RELN: variants seen among roughly 807,000 people sequenced by gnomAD.
RELN encodes the protein reelin.
Under a neutral mutation model 427.6 loss-of-function variants are expected in RELN, and 108 were observed. The observed-to-expected ratio is 0.25, with a 90% CI of 0.22 to 0.30. The LOEUF (loss-of-function observed/expected upper bound fraction) is 0.30, where lower values mean the gene tolerates loss of function less well. RELN is among the 10% of genes least tolerant of loss of function. The probability of loss-of-function intolerance (pLI) is 1.00; values close to 1 mark genes in which losing one functional copy is unlikely to be tolerated. For missense variants in RELN, 3,715 were observed against 4,302.8 expected, an observed-to-expected ratio of 0.86 and a Z score of 3.82; for synonymous variants, 1,524 against 1,513.4, an observed-to-expected ratio of 1.01 and a Z score of -0.16.
At position 103,661,475 on chromosome 7, in the gene RELN, C is replaced by T. The variant is rs1833140154; in HGVS notation, c.1342G>A (p.Gly448Ser). The change falls in exon 12 of 65, where the codon GGC becomes AGC. Residue 448 changes from glycine (G) to serine (S), a missense_variant. By Grantham distance (56) the Gly-to-Ser change is moderately conservative. This residue lies in a region of RELN where 2,208 missense variants were observed against 2,361.7 expected (regional missense o/e 0.93). Transcript: ENST00000428762. ...TCTTTGAGGAAGACCATTGATAAGCCTGATTCTATCGTTCCACATTCTGTA... is the reference window on the plus strand; with the variant it reads ...TCTTTGAGGAAGACCATTGATAAGCTTGATTCTATCGTTCCACATTCTGTA... Reference protein sequence around the residue: ...IGTECGTIESGLSMVFLKDGE... With the variant: ...IGTECGTIESSLSMVFLKDGE... 1 of 1,613,656 alleles carries T rather than the reference C, an allele frequency of 6.2e-7. No individual in the cohort carries two copies. Among genetic ancestry groups the T allele is most frequent in the Non-Finnish European group, 8.5e-7 (1 of 1,179,760 alleles).
At chr7:103,812,907 T>C (rs190120461) in intron 3 of RELN, among the ~76,000 whole-genome samples, 3 of 152,330 alleles carry the variant, frequency 2.0e-5, no homozygotes, top group Non-Finnish European at 2.9e-5. Context: ...ATGTTTAAAA[T>C]TGCTCCCTCT....
intron 7 of RELN, among the ~76,000 whole-genome samples, chr7:103,724,793 A>G (rs970880646): frequency 6.6e-6 from 1 of 152,022 alleles, no homozygotes; most frequent in African/African-American, 2.4e-5. Flanking sequence ...AGCTACAAGA[A>G]AGAACAGGAA....
At chr7:103,513,062 T>A (rs1253606234) in intron 50 of RELN, 1 of 152,236 alleles carries the variant, frequency 6.6e-6, no homozygotes, top group Non-Finnish European at 1.5e-5. Context: ...TAGTCCTACA[T>A]CACAGATACA....
chr7:103,680,888 C>G (rs1833639004), intron 11 of RELN, among the ~76,000 whole-genome samples: 1 of 152,026 alleles, frequency 6.6e-6, no homozygotes, highest in African/African-American at 2.4e-5. Flanking sequence ...TCAATAGGCC[C>G]TGAGGGGGTG....
chr7:103,984,534 G>T (rs1040682015), intron 1 of RELN, among the ~76,000 whole-genome samples: 14 of 152,022 alleles, frequency 9.2e-5, no homozygotes, highest in Admixed American at 7.2e-4. Flanking sequence ...TTTAAAATTG[G>T]AATTGAAACT....
At chr7:103,674,018 A>C (rs1166376509) in intron 11 of RELN, among the ~76,000 whole-genome samples, 1 of 150,406 alleles carries the variant, frequency 6.6e-6, no homozygotes, top group African/African-American at 2.5e-5. Context: ...ATTGCATTCC[A>C]TGTATTCCTT....
chr7:103,684,719 A>G (rs142322444), intron 10 of RELN, among the ~76,000 whole-genome samples: 93 of 152,242 alleles, frequency 6.1e-4, no homozygotes, highest in African/African-American at 2.2e-3. Flanking sequence ...AATAATATCT[A>G]CCTGCTAGAG....
intron 2 of RELN, among the ~76,000 whole-genome samples, chr7:103,857,902 T>C (rs1009730797): frequency 8.6e-5 from 13 of 151,948 alleles, no homozygotes; most frequent in African/African-American, 3.1e-4. Context: ...TTGCAGAGGG[T>C]TTTGGTTAAT....
intron 2 of RELN, among the ~76,000 whole-genome samples, chr7:103,905,967 C>A (rs770897376): frequency 5.9e-5 from 9 of 151,890 alleles, no homozygotes; most frequent in Non-Finnish European, 1.0e-4. Context: ...CCCCAGAGAC[C>A]GAGCCAGAAA....
At chr7:103,694,901 G>A (rs1198292493) in intron 10 of RELN, among the ~76,000 whole-genome samples, 1 of 151,686 alleles carries the variant, frequency 6.6e-6, no homozygotes, top group Non-Finnish European at 1.5e-5. Flanking sequence ...CTGGCCTCAA[G>A]TGATCCTCCC....
intron 2 of RELN, among the ~76,000 whole-genome samples, chr7:103,839,380 A>G (rs1011035750): frequency 8.2e-5 from 12 of 146,580 alleles, no homozygotes; most frequent in Non-Finnish European, 1.6e-4. Context: ...TTTCTTTGAG[A>G]ACATGTAAAC....
chr7:103,682,021 T>C, intron 11 of RELN, 95 bp downstream of exon 11: 10 of 1,187,102 alleles, frequency 8.4e-6, no homozygotes, highest in African/African-American at 4.5e-5. Flanking sequence ...TTGATCTAAG[T>C]ATGCTTTCGC....
chr7:103,603,254 A>T lies in RELN; in HGVS notation c.3333+50T>A. On this transcript the variant is annotated intron_variant, in intron 24 of 64. Coordinates refer to ENST00000428762, the MANE Select transcript of RELN (RefSeq NM_005045.4). This position sits in a 1 kb window ranked among gnomAD's most constrained non-coding sequence, Gnocchi z 4.3. ...TTGTACATTTGGAATTCAGAGTCTC[A>T]TATTAAACTAGCCATTGCCCCGATG... 2.8e-6 allele frequency: 4 copies of T among 1,410,348 alleles called. No homozygotes were observed. Among genetic ancestry groups the T allele is most frequent in the Non-Finnish European group, 4.0e-6 (4 of 994,416 alleles). 87.4% of individuals were successfully genotyped at this position (1,410,348 alleles called of 1,614,324 possible).
At chr7:103,749,050 A>G (rs933163804) in intron 6 of RELN, among the ~76,000 whole-genome samples, 1 of 152,176 alleles carries the variant, frequency 6.6e-6, no homozygotes, top group African/African-American at 2.4e-5. Flanking sequence ...TGACCTAATA[A>G]TTTAGAAATT....
chr7:103,553,983 C>T lies in RELN; in HGVS notation c.5798-152G>A. 5.7e-6 allele frequency: 4 copies of T among 695,852 alleles called. No individual in the cohort carries two copies. In the South Asian group the frequency reaches 6.6e-5, roughly 12 times the overall value. The allele number at this position is 695,852 out of a possible 1,614,324, so 43.1% of individuals were successfully genotyped here. On this transcript the variant is annotated intron_variant, in intron 38 of 64. Transcript: ENST00000428762. The stretch of plus-strand genomic sequence containing the variant: ...GGAGGATTGTTTGAGCCCAGGAGTT[C>T]AAGACCAGCCTGAGCAACATAGTAA...
At chr7:103,584,124 C>A (rs559391348) in intron 28 of RELN, among the ~76,000 whole-genome samples, 101 of 152,328 alleles carry the variant, frequency 6.6e-4, no homozygotes, top group African/African-American at 2.3e-3. Flanking sequence ...AAAGGTACTG[C>A]AAGGTCCCCC....
At chr7:103,478,560 T>A (rs1213018718) in intron 63 of RELN, 166 bp from the exon 64 acceptor site, 1 of 661,340 alleles carries the variant, frequency 1.5e-6, no homozygotes, top group East Asian at 2.8e-5. Flanking sequence ...TTATTTCTTA[T>A]TCTTCTATAC....
chr7:103,971,452 T>A (rs1390596272), intron 1 of RELN, among the ~76,000 whole-genome samples: 1 of 152,150 alleles, frequency 6.6e-6, no homozygotes, highest in Non-Finnish European at 1.5e-5. Context: ...CATACACAGA[T>A]ATGCACAAAA....
At chr7:103,916,264 A>C (rs180946858) in intron 2 of RELN, among the ~76,000 whole-genome samples, 37 of 152,332 alleles carry the variant, frequency 2.4e-4, no homozygotes, top group East Asian at 2.1e-3. Flanking sequence ...TCATAGAAAA[A>C]AATAAAATGT....
Sources: gnomAD v4.1 joint callset for allele counts (sites outside exome capture counted in the v4.1 genomes callset) on GRCh38, gnomAD v4.1.1 for gene constraint, gnomAD v4.1.1 regional missense constraint, Gnocchi (gnomAD v3.1) non-coding constraint, MANE v1.5 for transcripts, NCBI Gene and HGNC (gene_info 2026-07-23, HGNC 2026-07-21) for gene names.